PCDHGB1: variants seen among roughly 807,000 people sequenced by gnomAD.
The protein encoded by PCDHGB1 is protocadherin gamma subfamily B, 1.
Under a neutral mutation model 56.6 loss-of-function variants are expected in PCDHGB1, and 34 were observed. The observed-to-expected ratio is 0.60, with a 90% CI of 0.46 to 0.80. The LOEUF (loss-of-function observed/expected upper bound fraction) is 0.80, where lower values mean the gene tolerates loss of function less well. Ranked by LOEUF, PCDHGB1 falls within the 30% of genes least tolerant of loss-of-function variation. The pLI is 0.00. For missense variants in PCDHGB1, 1,278 were observed against 1,204.6 expected, an observed-to-expected ratio of 1.06 and a Z score of -0.90; for synonymous variants, 561 against 505.9, an observed-to-expected ratio of 1.11 and a Z score of -1.46.
intron 2 of PCDHGB1, among the ~76,000 whole-genome samples, chr5:141,500,904 C>T (rs2099803610): frequency 6.6e-6 from 1 of 151,662 alleles, no homozygotes; most frequent in Non-Finnish European, 1.5e-5. Context: ...CAGTCTCGCT[C>T]TGTCTCCAGG....
At chr5:141,462,121 T>A (rs977258025) in intron 1 of PCDHGB1, among the ~76,000 whole-genome samples, 2 of 151,730 alleles carry the variant, frequency 1.3e-5, no homozygotes, top group Non-Finnish European at 2.9e-5. Context: ...CTGCACCCAG[T>A]CCAATTTTTT....
At chr5:141,478,759 A>G in intron 1 of PCDHGB1, 2 of 1,514,800 alleles carry the variant, frequency 1.3e-6, no homozygotes, top group African/African-American at 1.4e-5. Flanking sequence ...GGGGGAAGAT[A>G]CTTGACTCAT....
At chr5:141,506,487 G>A (rs1265051912) in intron 3 of PCDHGB1, among the ~76,000 whole-genome samples, 3 of 150,464 alleles carry the variant, frequency 2.0e-5, no homozygotes, top group Non-Finnish European at 4.4e-5. Flanking sequence ...TTAGAGGCAG[G>A]CCAATCTGGA....
chr5:141,396,179 C>G (rs948602586), intron 1 of PCDHGB1: 1 of 152,178 alleles, frequency 6.6e-6, no homozygotes, highest in African/African-American at 2.4e-5. Context: ...CTTGGCTGGA[C>G]ACAGTGCCTC....
chr5:141,448,705 C>T (rs2098601893), intron 1 of PCDHGB1, among the ~76,000 whole-genome samples: 1 of 152,100 alleles, frequency 6.6e-6, no homozygotes, highest in Non-Finnish European at 1.5e-5. Context: ...CTTTGGGAGG[C>T]CGAGGCGGGA....
intron 1 of PCDHGB1, among the ~76,000 whole-genome samples, chr5:141,363,621 C>G (rs1384917674): frequency 1.3e-5 from 2 of 152,216 alleles, no homozygotes; most frequent in African/African-American, 4.8e-5. Context: ...AGTGGAGAGA[C>G]TTTCTCAAAG....
chr5:141,454,142 C>T (rs2098782408), intron 1 of PCDHGB1, among the ~76,000 whole-genome samples: 1 of 152,222 alleles, frequency 6.6e-6, no homozygotes, highest in Non-Finnish European at 1.5e-5. Context: ...GGAATGTTCA[C>T]ACTGCTACTT....
Position 141,449,530 on chromosome 5 carries a change from A to G in PCDHGB1, c.2410-45277A>G, listed in dbSNP as rs2098641850. On this transcript the variant is annotated intron_variant, in intron 1 of 3. Transcript: ENST00000523390. ...CTTGAACCTGGGAGGCGGAGGTTGC[A>G]GTGAGCCGAGATCGCACCACTGCAC... Among the ~76,000 whole-genome samples, 4 of 149,684 alleles carry G rather than the reference A, an allele frequency of 2.7e-5. No individual in the cohort carries two copies. The South Asian group carries it at 8.5e-4, about 32-fold the overall frequency.
intron 1 of PCDHGB1, among the ~76,000 whole-genome samples, chr5:141,448,180 G>C (rs961721974): frequency 1.3e-5 from 2 of 151,998 alleles, no homozygotes; most frequent in African/African-American, 2.4e-5. Flanking sequence ...TTCATCCCTG[G>C]TTATGTACAC....
At chr5:141,375,379 G>A in intron 1 of PCDHGB1, 1 of 1,613,912 alleles carries the variant, frequency 6.2e-7, no homozygotes, top group Non-Finnish European at 8.5e-7. Context: ...CACCACCTCT[G>A]TCTACAGAAA....
intron 1 of PCDHGB1, chr5:141,394,006 T>C (rs753433160): frequency 3.1e-6 from 5 of 1,613,358 alleles, no homozygotes; most frequent in Non-Finnish European, 3.4e-6. Context: ...GAAAAGTCAA[T>C]AGGTAATTAT....
intron 1 of PCDHGB1, chr5:141,385,452 G>A: frequency 6.9e-7 from 1 of 1,446,532 alleles, no homozygotes; most frequent in Non-Finnish European, 9.1e-7. Context: ...GAGTTTACCA[G>A]TTTCCTTCAG....
rs777115265 is a variant in PCDHGB1, at chr5:141,485,247, G to C, written c.2410-9560G>C. ...CTTTTGTTCCTCTTTTACCACCTGG[G>C]TTACGTTTGTGGGCAGATCCGCTAC... On this transcript the variant is annotated intron_variant, in intron 1 of 3. Coordinates refer to ENST00000523390, the MANE Select transcript of PCDHGB1 (RefSeq NM_018922.3). This position sits in a 1 kb window ranked among gnomAD's most constrained non-coding sequence, Gnocchi z 5.7. 8.7e-6 allele frequency: 14 copies of C among 1,614,156 alleles called. No homozygotes were observed. In the African/African-American group the frequency reaches 1.6e-4, roughly 18 times the overall value.
intron 1 of PCDHGB1, chr5:141,428,285 C>CA (rs2097130658): frequency 2.7e-6 from 2 of 734,934 alleles, no homozygotes; most frequent in Non-Finnish European, 4.7e-6. Context: ...GATTCCCAAG[C>CA]AAAGCTGCAG....
chr5:141,482,529 G>GAAAAAAAA (rs1256461887), intron 1 of PCDHGB1, among the ~76,000 whole-genome samples: 1 of 56,042 alleles, frequency 1.8e-5, no homozygotes, highest in Admixed American at 1.9e-4. Context: ...AGACAGACAT[G>GAAAAAAAA]CAAAAAAAAA....
At chr5:141,380,617 C>T (rs1024348906) in intron 1 of PCDHGB1, among the ~76,000 whole-genome samples, 3 of 152,156 alleles carry the variant, frequency 2.0e-5, no homozygotes, top group Admixed American at 6.5e-5. Context: ...TTATGATGTT[C>T]GATAACTTAG....
Position 141,489,956 on chromosome 5 carries a change from C to CTCCAACCT in PCDHGB1, c.2410-4845_2410-4838dup, listed in dbSNP as rs1176419823. Reference sequence around the variant, plus strand: ...ATCGTGCTGGACATCAATGATAATGCTCCAACCTTCCAATCCTCAGTTCTA... The same window carrying CTCCAACCT: ...ATCGTGCTGGACATCAATGATAATGCTCCAACCTTCCAACCTTCCAATCCTCAGTTCTA... On this transcript the variant is annotated intron_variant, in intron 1 of 3. Coordinates refer to ENST00000523390, the MANE Select transcript of PCDHGB1 (RefSeq NM_018922.3). The surrounding 1 kb of genome is among the most constrained non-coding windows in gnomAD (Gnocchi z 4.5). 16 of 1,614,012 alleles carry CTCCAACCT rather than the reference C, an allele frequency of 9.9e-6. No individual in the cohort carries two copies. The highest frequency in any genetic ancestry group is 1.4e-5 in the Non-Finnish European group (16 of 1,179,974).
At chr5:141,371,058 A>C in intron 1 of PCDHGB1, 9 of 1,613,990 alleles carry the variant, frequency 5.6e-6, no homozygotes, top group Non-Finnish European at 7.6e-6. Flanking sequence ...CGAGCCCTCC[A>C]GAAGCTGTAC....
In PCDHGB1 at chr5:141,385,248, G is replaced by T; in HGVS notation, c.2409+32579G>T. 6.2e-7 allele frequency: 1 copy of T among 1,613,854 alleles called. No individual in the cohort carries two copies. The highest frequency in any genetic ancestry group is 8.5e-7 in the Non-Finnish European group (1 of 1,179,720). The stretch of plus-strand genomic sequence containing the variant: ...ATGTAGACATGCTCATCAGCCAGGA[G>T]AGCTGTGAGAAAAATGATTCTTTGC... On this transcript the variant is annotated intron_variant, in intron 1 of 3. Coordinates refer to ENST00000523390, the MANE Select transcript of PCDHGB1 (RefSeq NM_018922.3).
Sources: gnomAD v4.1 joint callset for allele counts (sites outside exome capture counted in the v4.1 genomes callset) on GRCh38, gnomAD v4.1.1 for gene constraint, Gnocchi (gnomAD v3.1) non-coding constraint, MANE v1.5 for transcripts, NCBI Gene and HGNC (gene_info 2026-07-23, HGNC 2026-07-21) for gene names.